The following SPTBN1 variants were observed in gnomAD, a reference collection of about 807,000 sequenced individuals.
SPTBN1 encodes spectrin beta chain, non-erythrocytic 1.
SPTBN1 carries 32 observed loss-of-function variants against 266.4 expected under a neutral mutation model. That is an observed-to-expected ratio of 0.12 (90% CI 0.09 to 0.16). SPTBN1 has a LOEUF of 0.16. Among genes scored for constraint, SPTBN1 ranks in the 10% least tolerant of loss-of-function variants. The probability of loss-of-function intolerance (pLI) is 1.00; values close to 1 mark genes in which losing one functional copy is unlikely to be tolerated. For synonymous variants in SPTBN1, 1,336 were observed against 1,162.2 expected (o/e 1.15, Z -3.04); for missense variants, 2,296 against 3,067.1 (o/e 0.75, Z 5.94).
At chr2:54,494,134 T>G (rs1463157614) in intron 1 of SPTBN1, among the ~76,000 whole-genome samples, 1 of 152,116 alleles carries the variant, frequency 6.6e-6, no homozygotes, top group East Asian at 1.9e-4. Context: ...AGTTTTTACA[T>G]AATTGTAATT....
intron 1 of SPTBN1, among the ~76,000 whole-genome samples, chr2:54,495,334 G>C (rs1421858535): frequency 6.6e-6 from 1 of 152,148 alleles, no homozygotes; most frequent in East Asian, 1.9e-4. Context: ...CCCAGGTTCA[G>C]AGCTCAAGGA....
intron 29 of SPTBN1, among the ~76,000 whole-genome samples, 170 bp from the exon 30 acceptor site, chr2:54,657,680 T>C (rs60427184): frequency 0.01 from 1,555 of 152,346 alleles, 35 homozygotes; most frequent in African/African-American, 0.035. Context: ...AAGTCAAAGT[T>C]GCAAGTGTGG....
intron 1 of SPTBN1, among the ~76,000 whole-genome samples, chr2:54,500,641 G>T (rs1304032752): frequency 6.6e-6 from 1 of 152,080 alleles, no homozygotes; most frequent in African/African-American, 2.4e-5. Flanking sequence ...TGCCTCCCAG[G>T]CTCAAGGGAT....
At chr2:54,667,165 A>G (rs538735184) in intron 34 of SPTBN1, among the ~76,000 whole-genome samples, 1 of 152,288 alleles carries the variant, frequency 6.6e-6, no homozygotes, top group Non-Finnish European at 1.5e-5. Flanking sequence ...GTTGAAGGAC[A>G]TTTTCTGTTT....
intron 2 of SPTBN1, among the ~76,000 whole-genome samples, chr2:54,587,077 A>G (rs2104603441): frequency 6.6e-6 from 1 of 152,324 alleles, no homozygotes; most frequent in South Asian, 2.1e-4. Flanking sequence ...ACTAGCTTAC[A>G]CGCCCCGTAG....
At chr2:54,614,350 C>G (rs1677435918) in intron 4 of SPTBN1, among the ~76,000 whole-genome samples, 1 of 152,094 alleles carries the variant, frequency 6.6e-6, no homozygotes, top group Non-Finnish European at 1.5e-5. Flanking sequence ...TCCACCAGCT[C>G]CTGAATATAC....
At chr2:54,592,262 A>G (rs1675730140) in intron 2 of SPTBN1, among the ~76,000 whole-genome samples, 1 of 152,212 alleles carries the variant, frequency 6.6e-6, no homozygotes, top group South Asian at 2.1e-4. Flanking sequence ...CTAAAAAGAA[A>G]AGAAGTAGAT....
chr2:54,556,988 C>A (rs1672920287), intron 2 of SPTBN1, among the ~76,000 whole-genome samples: 1 of 152,320 alleles, frequency 6.6e-6, no homozygotes, highest in East Asian at 1.9e-4. Flanking sequence ...AGCCTCCCAT[C>A]AGCATTGTGA....
At position 54,490,622 on chromosome 2, in the gene SPTBN1, T is replaced by G. The variant is rs548367875; in HGVS notation, c.-48+34104T>G. Reference sequence around the variant, plus strand: ...AATTTCCCCTTAGTAGCGGACATGCTTTATTGTATTAAGTTGGATAACCAC... The same window carrying G: ...AATTTCCCCTTAGTAGCGGACATGCGTTATTGTATTAAGTTGGATAACCAC... On this transcript the variant is annotated intron_variant, in intron 1 of 35. Transcript: ENST00000356805. Among the ~76,000 whole-genome samples the G allele has an allele frequency of 2.6e-5, 4 of 152,346 alleles. No individual in the cohort carries two copies. In the South Asian group the frequency reaches 8.3e-4, roughly 32 times the overall value.
chr2:54,608,515 G>A (rs1677001178), intron 3 of SPTBN1, among the ~76,000 whole-genome samples: 1 of 152,148 alleles, frequency 6.6e-6, no homozygotes, highest in South Asian at 2.1e-4. Context: ...ACATGTGGAT[G>A]TGTGCATCCT....
At chr2:54,479,863 CT>C (rs11346229) in intron 1 of SPTBN1, among the ~76,000 whole-genome samples, 44,695 of 148,446 alleles carry the variant, frequency 0.3, 6,783 homozygotes, top group East Asian at 0.37. Flanking sequence ...GCAAATTTTG[CT>C]TTTTTTTTTT....
Position 54,629,351 on chromosome 2 carries a change from C to A in SPTBN1, c.2217C>A (p.Arg739=). The change falls in exon 14 of 36, where the codon CGC becomes CGA. Residue 739 remains arginine (R), a synonymous_variant. Coordinates refer to ENST00000356805, the MANE Select transcript of SPTBN1 (RefSeq NM_003128.3). ...LEQLSAIRKK[R]LEEASLLHQF... is the part of the protein sequence containing the mutation. ...AGCTCTCGGCCATTCGGAAGAAGCGCCTGGAGGAGGCCTCCCTGCTGCACC... is the reference window on the plus strand; with the variant it reads ...AGCTCTCGGCCATTCGGAAGAAGCGACTGGAGGAGGCCTCCCTGCTGCACC... 6.2e-7 allele frequency: 1 copy of A among 1,614,072 alleles called. No homozygotes were observed.
At chr2:54,508,994 T>C (rs1467234825) in intron 1 of SPTBN1, among the ~76,000 whole-genome samples, 1 of 152,226 alleles carries the variant, frequency 6.6e-6, no homozygotes, top group East Asian at 1.9e-4. Flanking sequence ...TAAATATTGA[T>C]GGGTAGTCCC....
chr2:54,639,961 C>T (rs1679418272), intron 18 of SPTBN1, among the ~76,000 whole-genome samples: 1 of 152,140 alleles, frequency 6.6e-6, no homozygotes, highest in South Asian at 2.1e-4. Flanking sequence ...CTCCTTGAGC[C>T]ACATTAGAAG....
chr2:54,642,529 G>GTT (rs531997353), intron 18 of SPTBN1, among the ~76,000 whole-genome samples: 1,429 of 92,250 alleles, frequency 0.015, 24 homozygotes, highest in African/African-American at 0.043. Context: ...TAAATAAGTA[G>GTT]TTTTTTTTTT....
chr2:54,514,547 T>C (rs554137153), intron 1 of SPTBN1, among the ~76,000 whole-genome samples: 1 of 152,228 alleles, frequency 6.6e-6, no homozygotes, highest in Non-Finnish European at 1.5e-5. Context: ...GTTTGAATGT[T>C]GTAGGAAGAA....
At chr2:54,572,288 T>C (rs1399409348) in intron 2 of SPTBN1, among the ~76,000 whole-genome samples, 2 of 152,298 alleles carry the variant, frequency 1.3e-5, no homozygotes, top group Admixed American at 6.5e-5. Context: ...TTTACACTAA[T>C]GTAATCAGGT....
At chr2:54,637,634 A>C (rs947761814) in intron 17 of SPTBN1, 79 bp from the exon 18 acceptor site, 1 of 1,148,164 alleles carries the variant, frequency 8.7e-7, no homozygotes, top group Non-Finnish European at 1.3e-6. Context: ...GGAATTCAGG[A>C]AATAAATTGA....
rs57976087 is a variant in SPTBN1 at position 54,489,654 on chromosome 2, G to A, written c.-48+33136G>A. 5.2e-3 allele frequency among the ~76,000 whole-genome samples: 790 copies of A among 152,258 alleles called. 8 individuals are homozygous for A. Among genetic ancestry groups the A allele is most frequent in the African/African-American group, 0.018 (747 of 41,536 alleles). On this transcript the variant is annotated intron_variant, in intron 1 of 35. Transcript: ENST00000356805. ...GTGGAGGTTGCAGTGAGCTGAGATC[G>A]TGCCACTGCACTCCAGCCAGGCTGA...
Sources: allele counts gnomAD v4.1 joint callset (sites outside exome capture counted in the v4.1 genomes callset), GRCh38; gene constraint gnomAD v4.1.1; transcripts MANE v1.5; gene names NCBI Gene and HGNC (gene_info 2026-07-23, HGNC 2026-07-21).